The following PPP2R2B variants were observed in gnomAD, a reference collection of about 807,000 sequenced individuals.
The protein encoded by PPP2R2B is serine/threonine-protein phosphatase 2A 55 kDa regulatory subunit B beta isoform.
In PPP2R2B, 5 loss-of-function variants were observed where a neutral mutation model predicts 46.0. The observed-to-expected ratio is 0.11, with a 90% confidence interval of 0.06 to 0.23. The LOEUF is 0.23. PPP2R2B is among the 10% of genes least tolerant of loss of function. The pLI is 1.00. For missense variants in PPP2R2B, 367 were observed against 575.0 expected (o/e 0.64, Z 3.70); for synonymous variants, 215 against 206.7 (o/e 1.04, Z -0.34).
intron 2 of PPP2R2B, among the ~76,000 whole-genome samples, chr5:146,803,039 A>C (rs1756959621): frequency 6.6e-6 from 1 of 152,202 alleles, no homozygotes; most frequent in Non-Finnish European, 1.5e-5. Context: ...CAGGGACAAG[A>C]GGAGTGAAAT....
chr5:146,597,637 G>T (rs929113049), intron 8 of PPP2R2B, among the ~76,000 whole-genome samples: 1 of 152,116 alleles, frequency 6.6e-6, no homozygotes, highest in African/African-American at 2.4e-5. Context: ...AATCATACAG[G>T]TTAATTTCCC....
intron 1 of PPP2R2B, among the ~76,000 whole-genome samples, chr5:146,886,213 C>T (rs956673117): frequency 6.6e-6 from 1 of 151,950 alleles, no homozygotes; most frequent in Non-Finnish European, 1.5e-5. Flanking sequence ...GTGGCGGGCC[C>T]CTGTAGTCCC....
intron 2 of PPP2R2B, among the ~76,000 whole-genome samples, chr5:146,754,452 T>C (rs1043544723): frequency 1.3e-5 from 2 of 152,150 alleles, no homozygotes; most frequent in Non-Finnish European, 2.9e-5. Context: ...AAAAGCAAAT[T>C]TGCAGAAGCA....
chr5:146,861,059 T>TC lies in PPP2R2B; in HGVS notation c.70+16942_70+16943insG, dbSNP rs1435774919. Among the ~76,000 whole-genome samples the TC allele has an allele frequency of 1.3e-4, 13 of 98,744 alleles. 1 individual carries two copies. The highest frequency in any genetic ancestry group is 4.2e-4 in the African/African-American group (9 of 21,280). The allele number at this position is 98,744 out of a possible 152,430, so 64.8% of individuals were successfully genotyped here. On this transcript the variant is annotated intron_variant, in intron 2 of 9. Coordinates refer to ENST00000394411, the MANE Select transcript of PPP2R2B (RefSeq NM_181675.4). ...GCATTCAAACTGAATTTTTTCTTTT[T>TC]TTTTTTTTTTTTTTTGAGACTGAGT...
intron 8 of PPP2R2B, among the ~76,000 whole-genome samples, chr5:146,598,662 T>C (rs1159365358): frequency 6.6e-6 from 1 of 152,218 alleles, no homozygotes; most frequent in East Asian, 1.9e-4. Flanking sequence ...TAATCCTTGA[T>C]GCTTCTTTCT....
At chr5:146,910,736 G>A (rs922934463) in intron 1 of PPP2R2B, among the ~76,000 whole-genome samples, 2 of 152,100 alleles carry the variant, frequency 1.3e-5, no homozygotes, top group African/African-American at 4.8e-5. Context: ...GTTACCTATA[G>A]TCTTTCAGAA....
At chr5:146,789,098 G>T (rs1266593781) in intron 2 of PPP2R2B, among the ~76,000 whole-genome samples, 1 of 152,172 alleles carries the variant, frequency 6.6e-6, no homozygotes. Context: ...AGGAACAAAA[G>T]GTGGCCACTG....
chr5:146,606,718 C>T (rs571112025), intron 7 of PPP2R2B, among the ~76,000 whole-genome samples: 7 of 152,262 alleles, frequency 4.6e-5, no homozygotes, highest in Middle Eastern at 3.4e-3. Context: ...TCTGGGTTTT[C>T]TGTCTGGGCT....
chr5:146,651,349 A>C (rs1581794261), intron 5 of PPP2R2B, among the ~76,000 whole-genome samples: 1 of 152,340 alleles, frequency 6.6e-6, no homozygotes, highest in African/African-American at 2.4e-5. Flanking sequence ...GGTAGTGTCC[A>C]CTTTTACATG....
intron 2 of PPP2R2B, among the ~76,000 whole-genome samples, chr5:146,859,646 C>T (rs1034919579): frequency 3.3e-5 from 5 of 152,230 alleles, no homozygotes; most frequent in Middle Eastern, 3.4e-3. Flanking sequence ...AGCCAGTAAG[C>T]GTGGCAAACC....
intron 1 of PPP2R2B, among the ~76,000 whole-genome samples, chr5:147,036,182 A>G (rs1756025249): frequency 6.6e-6 from 1 of 152,006 alleles, no homozygotes; most frequent in Admixed American, 6.6e-5. Flanking sequence ...CCACCTTCCA[A>G]CAGACCCCAG....
chr5:146,768,543 C>T (rs372035007), intron 2 of PPP2R2B, among the ~76,000 whole-genome samples: 1 of 152,298 alleles, frequency 6.6e-6, no homozygotes, highest in East Asian at 1.9e-4. Flanking sequence ...CCATTCACCT[C>T]CTGCTTATTT....
rs923360457 is a variant in PPP2R2B at position 146,775,835 on chromosome 5, A to G, written c.71-74693T>C. On this transcript the variant is annotated intron_variant, in intron 2 of 9. Transcript: ENST00000394411. ...AGAAGTTGTATTTTTATGAACTGGC[A>G]ATGAACACTCTGAGAAGGAAGTTTA... Among the ~76,000 whole-genome samples, 2 of 152,174 alleles carry G rather than the reference A, an allele frequency of 1.3e-5. 1 individual carries two copies. The highest frequency in any genetic ancestry group is 4.1e-4 in the South Asian group (2 of 4,834).
At chr5:146,861,952 A>G (rs1027223935) in intron 2 of PPP2R2B, among the ~76,000 whole-genome samples, 2 of 152,026 alleles carry the variant, frequency 1.3e-5, no homozygotes, top group African/African-American at 4.8e-5. Context: ...TCATGTAATA[A>G]CTCATATAAT....
At chr5:146,740,095 G>C (rs1172518905) in intron 2 of PPP2R2B, among the ~76,000 whole-genome samples, 1 of 152,164 alleles carries the variant, frequency 6.6e-6, no homozygotes, top group Non-Finnish European at 1.5e-5. Flanking sequence ...GGATCCTTGG[G>C]AAATGTAGTT....
At chr5:146,793,377 C>T (rs1756332708) in intron 2 of PPP2R2B, among the ~76,000 whole-genome samples, 1 of 152,130 alleles carries the variant, frequency 6.6e-6, no homozygotes, top group Non-Finnish European at 1.5e-5. Context: ...GGACTAAAAA[C>T]ATGAATTTGG....
chr5:146,901,333 C>G (rs1762829546), intron 1 of PPP2R2B, among the ~76,000 whole-genome samples: 1 of 151,954 alleles, frequency 6.6e-6, no homozygotes, highest in Non-Finnish European at 1.5e-5. Context: ...GACCCAGGCT[C>G]CACAAAAAAT....
At chr5:146,731,542 G>A (rs560904320) in intron 2 of PPP2R2B, among the ~76,000 whole-genome samples, 2 of 152,248 alleles carry the variant, frequency 1.3e-5, no homozygotes, top group South Asian at 4.2e-4. Flanking sequence ...GAGTTTAACT[G>A]ACTAATTAAG....
intron 2 of PPP2R2B, among the ~76,000 whole-genome samples, chr5:146,716,136 T>C (rs1780484843): frequency 1.3e-5 from 2 of 152,106 alleles, no homozygotes; most frequent in South Asian, 2.1e-4. Context: ...TGGCATCTAG[T>C]AGGTTTGCAA....
Sources: gnomAD v4.1 joint callset for allele counts (sites outside exome capture counted in the v4.1 genomes callset) on GRCh38, gnomAD v4.1.1 for gene constraint, MANE v1.5 for transcripts, NCBI Gene and HGNC (gene_info 2026-07-23, HGNC 2026-07-21) for gene names.